FRMD4A: variants seen among roughly 807,000 people sequenced by gnomAD.
The protein encoded by FRMD4A is FERM domain-containing protein 4A.
In FRMD4A, 29 loss-of-function variants were observed where a neutral mutation model predicts 129.1. The ratio of observed to expected loss-of-function variants is 0.22; its 90% CI spans 0.17 to 0.31. The LOEUF (loss-of-function observed/expected upper bound fraction) is 0.31, where lower values mean the gene tolerates loss of function less well. FRMD4A is among the 10% of genes least tolerant of loss of function. The pLI, the probability that FRMD4A is intolerant of heterozygous loss-of-function variation, is 1.00. For missense variants in FRMD4A, 1,272 were observed against 1,375.8 expected (o/e 0.92, Z 1.19); for synonymous variants, 634 against 571.6 (o/e 1.11, Z -1.56).
intron 3 of FRMD4A, among the ~76,000 whole-genome samples, chr10:13,822,258 G>A (rs1367027900): frequency 6.6e-6 from 1 of 152,172 alleles, no homozygotes; most frequent in Non-Finnish European, 1.5e-5. Flanking sequence ...AAGCATTGAA[G>A]ACATCGTTAT....
At chr10:14,180,308 C>CA (rs748436312) in intron 2 of FRMD4A, among the ~76,000 whole-genome samples, 5 of 152,158 alleles carry the variant, frequency 3.3e-5, no homozygotes, top group Non-Finnish European at 7.4e-5. Context: ...TAGTAGATAG[C>CA]ATCATTTGGT....
At chr10:14,218,283 G>C (rs1843136064) in intron 2 of FRMD4A, among the ~76,000 whole-genome samples, 1 of 152,198 alleles carries the variant, frequency 6.6e-6, no homozygotes, top group Non-Finnish European at 1.5e-5. Context: ...ATTCACACCA[G>C]CAGAGAAGGT....
At chr10:14,088,684 C>G (rs893303316) in intron 2 of FRMD4A, among the ~76,000 whole-genome samples, 8 of 146,522 alleles carry the variant, frequency 5.5e-5, no homozygotes, top group Admixed American at 3.5e-4. Context: ...AGGAGAATGC[C>G]ATGAACCTGG....
intron 22 of FRMD4A, 69 bp from the exon 23 acceptor site, chr10:13,654,581 C>G: frequency 1.0e-6 from 1 of 992,536 alleles, no homozygotes; most frequent in Non-Finnish European, 1.6e-6. Flanking sequence ...GAGCTTGCGA[C>G]TTGTTGGCTG....
At position 13,918,644 on chromosome 10, in the gene FRMD4A, T is replaced by C. The variant is rs111622262; in HGVS notation, c.46-59732A>G. Among the ~76,000 whole-genome samples, 173 of 152,074 alleles carry C rather than the reference T, an allele frequency of 1.1e-3. 1 individual carries two copies. The highest frequency in any genetic ancestry group is 3.4e-3 in the African/African-American group (141 of 41,504). On this transcript the variant is annotated intron_variant, in intron 2 of 24. Transcript: ENST00000357447. ...TCCGGATTCAAGTGATTCTCCTGCC[T>C]CAGCCTCCTGAGTAGCTGGGATTAC...
intron 3 of FRMD4A, among the ~76,000 whole-genome samples, chr10:13,838,309 T>C (rs1459065079): frequency 1.3e-5 from 2 of 150,702 alleles, no homozygotes; most frequent in African/African-American, 2.4e-5. Context: ...GCCCAGGCTG[T>C]TCACAAACTC....
At chr10:14,059,601 C>G (rs939932418) in intron 2 of FRMD4A, among the ~76,000 whole-genome samples, 2 of 152,148 alleles carry the variant, frequency 1.3e-5, no homozygotes, top group African/African-American at 2.4e-5. Context: ...CTTGAACTCC[C>G]CAGCATCCAG....
At chr10:14,208,403 C>T (rs1589168118) in intron 2 of FRMD4A, among the ~76,000 whole-genome samples, 1 of 152,108 alleles carries the variant, frequency 6.6e-6, no homozygotes, top group Non-Finnish European at 1.5e-5. Context: ...TTAGCACACT[C>T]ACCCACTCCC....
intron 2 of FRMD4A, among the ~76,000 whole-genome samples, chr10:14,008,911 G>A (rs182273727): frequency 6.6e-5 from 10 of 152,296 alleles, no homozygotes; most frequent in African/African-American, 2.2e-4. Flanking sequence ...AAGTATGAGG[G>A]AAAGAAGAAG....
chr10:14,092,023 T>C (rs887665062), intron 2 of FRMD4A, among the ~76,000 whole-genome samples: 1 of 152,190 alleles, frequency 6.6e-6, no homozygotes, highest in Non-Finnish European at 1.5e-5. Context: ...ACAGTTTCTA[T>C]TCCCCTGAAC....
intron 2 of FRMD4A, among the ~76,000 whole-genome samples, chr10:13,874,173 C>A (rs1205667290): frequency 7.0e-6 from 1 of 143,156 alleles, no homozygotes; most frequent in Non-Finnish European, 1.5e-5. Context: ...TTGAACCTGC[C>A]AGGCGCAGGT....
At chr10:13,781,118 C>T (rs1240957439) in intron 6 of FRMD4A, among the ~76,000 whole-genome samples, 1 of 151,912 alleles carries the variant, frequency 6.6e-6, no homozygotes, top group Non-Finnish European at 1.5e-5. Context: ...GCCTGGCCAA[C>T]ATGGTGAAAC....
At chr10:14,190,879 TG>T (rs1344366932) in intron 2 of FRMD4A, among the ~76,000 whole-genome samples, 3 of 152,188 alleles carry the variant, frequency 2.0e-5, no homozygotes, top group African/African-American at 7.2e-5. Context: ...TCCTTGGGCA[TG>T]CGCAGTTATC....
chr10:14,257,662 A>T (rs1376481637), intron 2 of FRMD4A, among the ~76,000 whole-genome samples: 1 of 152,242 alleles, frequency 6.6e-6, no homozygotes, highest in Admixed American at 6.5e-5. Flanking sequence ...AAGAAAACAG[A>T]GACACGGAAA....
At chr10:14,129,454 C>T (rs377145235) in intron 2 of FRMD4A, among the ~76,000 whole-genome samples, 108 of 132,578 alleles carry the variant, frequency 8.1e-4, no homozygotes, top group African/African-American at 3.0e-3. Flanking sequence ...GATTTAGAAA[C>T]GAGCTTAAGA....
chr10:13,756,934 A>C (rs1438250386), intron 8 of FRMD4A, among the ~76,000 whole-genome samples: 3 of 152,230 alleles, frequency 2.0e-5, no homozygotes, highest in Non-Finnish European at 2.9e-5. Flanking sequence ...TATTCTCTGC[A>C]CTGAACTTTT....
At chr10:13,868,605 C>A (rs1589100643) in intron 2 of FRMD4A, among the ~76,000 whole-genome samples, 1 of 152,260 alleles carries the variant, frequency 6.6e-6, no homozygotes, top group East Asian at 1.9e-4. Flanking sequence ...GAGTTTGAGA[C>A]CTGCCTGGGC....
chr10:13,971,791 A>G (rs2095520174), intron 2 of FRMD4A: 1 of 1,304,204 alleles, frequency 7.7e-7, no homozygotes, highest in Non-Finnish European at 1.0e-6. Context: ...CAAGCAGCCC[A>G]GCAGCCATGC....
chr10:13,804,810 G>C (rs193139673), intron 4 of FRMD4A, among the ~76,000 whole-genome samples: 2 of 149,806 alleles, frequency 1.3e-5, no homozygotes, highest in African/African-American at 2.5e-5. Flanking sequence ...TGCCTACCTC[G>C]GCCTCCCAAA....
Sources: gnomAD v4.1 joint callset for allele counts (sites outside exome capture counted in the v4.1 genomes callset) on GRCh38, gnomAD v4.1.1 for gene constraint, MANE v1.5 for transcripts, NCBI Gene and HGNC (gene_info 2026-07-23, HGNC 2026-07-21) for gene names.